DNM1L: variants seen among roughly 807,000 people sequenced by gnomAD.
The protein encoded by DNM1L is dynamin 1L, also known as dynamin-1-like protein.
In DNM1L, 33 loss-of-function variants were observed where a neutral mutation model predicts 92.8. That is an observed-to-expected ratio of 0.36 (90% CI 0.27 to 0.48). DNM1L has a LOEUF of 0.48. DNM1L is among the 20% of genes least tolerant of loss of function. The pLI, the probability that DNM1L is intolerant of heterozygous loss-of-function variation, is 0.99. For synonymous variants in DNM1L, 284 were observed against 305.0 expected, an observed-to-expected ratio of 0.93 and a Z score of 0.72; for missense variants, 485 against 888.8, an observed-to-expected ratio of 0.55 and a Z score of 5.78.
intron 7 of DNM1L, among the ~76,000 whole-genome samples, chr12:32,719,147 T>TG (rs1953689404): frequency 6.6e-6 from 1 of 152,110 alleles, no homozygotes; most frequent in African/African-American, 2.4e-5. Context: ...GACAAGGTCT[T>TG]GCCATGTTGC....
chr12:32,736,349 A>G (rs1954880723), intron 13 of DNM1L, among the ~76,000 whole-genome samples: 1 of 152,128 alleles, frequency 6.6e-6, no homozygotes, highest in African/African-American at 2.4e-5. Context: ...GATTACAAGC[A>G]TGAGGCACTG....
Position 32,698,305 on chromosome 12 carries a change from T to C in DNM1L, c.103-3110T>C, listed in dbSNP as rs1192206915. Among the ~76,000 whole-genome samples the C allele has an allele frequency of 3.3e-5, 5 of 152,294 alleles. No individual in the cohort carries two copies. In the East Asian group the frequency reaches 9.6e-4, roughly 29 times the overall value. ...GGAAATGAGGAGCCCTGGCAGGGAA[T>C]TGGAGGAAAGAGGAGAAAAAAAGTC... On this transcript the variant is annotated intron_variant, in intron 1 of 19. Transcript: ENST00000549701.
intron 6 of DNM1L, among the ~76,000 whole-genome samples, chr12:32,715,368 T>G (rs918019149): frequency 6.6e-6 from 1 of 152,074 alleles, no homozygotes; most frequent in Non-Finnish European, 1.5e-5. Context: ...GTTGGAAAGA[T>G]TAAGTAAATT....
intron 9 of DNM1L, among the ~76,000 whole-genome samples, chr12:32,730,470 A>G (rs192434954): frequency 5.3e-5 from 8 of 152,370 alleles, no homozygotes; most frequent in Admixed American, 2.0e-4. Context: ...TGGGAGGTCA[A>G]GGCGGGCGGA....
At chr12:32,681,077 C>T (rs1451007953) in intron 1 of DNM1L, among the ~76,000 whole-genome samples, 1 of 152,030 alleles carries the variant, frequency 6.6e-6, no homozygotes, top group Non-Finnish European at 1.5e-5. Context: ...AACCTGTTGG[C>T]AAAATACAGA....
In DNM1L at chr12:32,731,153, T is replaced by C. The variant is rs1167236193; in HGVS notation, c.1200+19T>C. On this transcript the variant is annotated intron_variant, in intron 10 of 19. Transcript: ENST00000549701. This position sits in a 1 kb window ranked among gnomAD's most constrained non-coding sequence, Gnocchi z 5.1. ...TGCTACTGTGAGTATGTTTAGCTTTTTAGACTGTAAAAAAAAATGAGGTTA... is the reference window on the plus strand; with the variant it reads ...TGCTACTGTGAGTATGTTTAGCTTTCTAGACTGTAAAAAAAAATGAGGTTA... 1.9e-6 allele frequency: 3 copies of C among 1,613,828 alleles called. No homozygotes were observed. In the African/African-American group the frequency reaches 4.0e-5, roughly 22 times the overall value.
At position 32,744,945 on chromosome 12, in the gene DNM1L, T is replaced by C. The variant is rs182410022; in HGVS notation, c.*1535T>C. ...AGACAACACATTTATATTGCAGATATTACTTTTTTTTCAGTTTATGACCAG... is the reference window on the plus strand; with the variant it reads ...AGACAACACATTTATATTGCAGATACTACTTTTTTTTCAGTTTATGACCAG... On this transcript the variant is annotated 3_prime_UTR_variant, in exon 20 of 20. Transcript: ENST00000549701. 8.5e-5 allele frequency: 44 copies of C among 518,682 alleles called. No homozygotes were observed. Among genetic ancestry groups the C allele is most frequent in the Admixed American group, 4.1e-4 (21 of 51,506 alleles). The allele number at this position is 518,682 out of a possible 1,614,324, so 32.1% of individuals were successfully genotyped here.
intron 13 of DNM1L, 108 bp from the exon 14 acceptor site, chr12:32,736,997 G>A: frequency 2.0e-6 from 2 of 997,526 alleles, no homozygotes; most frequent in Non-Finnish European, 3.1e-6. Flanking sequence ...AACAGTGAGA[G>A]GATGTATCTG....
intron 1 of DNM1L, among the ~76,000 whole-genome samples, chr12:32,692,102 A>G (rs1332060284): frequency 1.3e-5 from 2 of 152,212 alleles, no homozygotes; most frequent in Non-Finnish European, 2.9e-5. Context: ...TTCTGTATTC[A>G]TTCATACTAT....
chr12:32,723,138 C>CT (rs749276773), intron 9 of DNM1L, among the ~76,000 whole-genome samples: 36 of 142,668 alleles, frequency 2.5e-4, no homozygotes, highest in Middle Eastern at 3.7e-3. Context: ...AAATTCCATC[C>CT]TTTTTTTTTT....
chr12:32,713,518 T>C, intron 6 of DNM1L, 147 bp downstream of exon 6: 1 of 969,194 alleles, frequency 1.0e-6, no homozygotes, highest in Non-Finnish European at 1.5e-6. Flanking sequence ...TTTATAAAAA[T>C]AGAAATTCTG....
chr12:32,718,908 G>T, intron 7 of DNM1L, 145 bp downstream of exon 7: 1 of 1,224,470 alleles, frequency 8.2e-7, no homozygotes, highest in Non-Finnish European at 1.2e-6. Context: ...TTATGATCTT[G>T]GTATTGCTAA....
At chr12:32,719,394 A>G (rs992667111) in intron 7 of DNM1L, among the ~76,000 whole-genome samples, 2 of 152,228 alleles carry the variant, frequency 1.3e-5, no homozygotes, top group Non-Finnish European at 2.9e-5. Flanking sequence ...AAATTATCTA[A>G]TGTGCACCCA....
At chr12:32,686,698 T>G (rs1952025226) in intron 1 of DNM1L, among the ~76,000 whole-genome samples, 1 of 152,214 alleles carries the variant, frequency 6.6e-6, no homozygotes, top group Non-Finnish European at 1.5e-5. Context: ...TGTTTAACTT[T>G]TTGAGCAACC....
chr12:32,721,906 G>T (rs76008589), intron 8 of DNM1L, among the ~76,000 whole-genome samples: 3,085 of 152,256 alleles, frequency 0.02, 103 homozygotes, highest in African/African-American at 0.071. Flanking sequence ...TTACTGTAAA[G>T]CATATTACAA....
At chr12:32,711,969 C>T (rs1471232860) in intron 5 of DNM1L, among the ~76,000 whole-genome samples, 4 of 152,192 alleles carry the variant, frequency 2.6e-5, no homozygotes, top group Non-Finnish European at 2.9e-5. Flanking sequence ...ATCCCACATT[C>T]CACTTCCTGC....
At chr12:32,680,238 CA>C (rs537463004) in intron 1 of DNM1L, among the ~76,000 whole-genome samples, 254 of 152,076 alleles carry the variant, frequency 1.7e-3, no homozygotes, top group African/African-American at 5.9e-3. Flanking sequence ...GAAATGTTGG[CA>C]AAATAACTGT....
At position 32,719,012 on chromosome 12, in the gene DNM1L, C is replaced by T. The variant is rs560954453; in HGVS notation, c.740+249C>T. Among the ~76,000 whole-genome samples, 30 of 151,084 alleles carry T rather than the reference C, an allele frequency of 2.0e-4. No homozygotes were observed. The South Asian group carries it at 5.2e-3, about 26-fold the overall frequency. ...TGTTGCCTAGGCTGGAATGCAGTGG[C>T]GTGATTGTGGCTCATTGTAGCATCA... On this transcript the variant is annotated intron_variant, in intron 7 of 19. Transcript: ENST00000549701.
At position 32,745,027 on chromosome 12, in the gene DNM1L, G is replaced by GCATCA. The variant is rs771869968; in HGVS notation, c.*1618_*1622dup. 1 of 513,452 alleles carries GCATCA rather than the reference G, an allele frequency of 1.9e-6. No individual in the cohort carries two copies. Among genetic ancestry groups the GCATCA allele is most frequent in the African/African-American group, 1.9e-5 (1 of 51,632 alleles). 31.8% of individuals were successfully genotyped at this position (513,452 alleles called of 1,614,324 possible). A position where few individuals can be genotyped will look rare whatever the true frequency, so the allele number is the denominator to read the frequency against. ...ATGAATATGTTAACTTTAGCTTATG[G>GCATCA]CATCAATTTACTAAGGAACAACAGG... On this transcript the variant is annotated 3_prime_UTR_variant, in exon 20 of 20. Coordinates refer to ENST00000549701, the MANE Select transcript of DNM1L (RefSeq NM_012062.5).
Sources: allele counts gnomAD v4.1 joint callset (sites outside exome capture counted in the v4.1 genomes callset), GRCh38; gene constraint gnomAD v4.1.1; non-coding constraint Gnocchi (gnomAD v3.1); transcripts MANE v1.5; gene names NCBI Gene and HGNC (gene_info 2026-07-23, HGNC 2026-07-21).